Variants in POLR2B observed in about 807,000 individuals in gnomAD.
POLR2B encodes the protein DNA-directed RNA polymerase II subunit RPB2.
A neutral mutation model predicts 144.6 loss-of-function variants in POLR2B; 57 were observed. The observed-to-expected ratio is 0.39, with a 90% confidence interval of 0.32 to 0.49. POLR2B has a LOEUF of 0.49. POLR2B is among the 20% of genes least tolerant of loss of function. POLR2B has a pLI of 0.83. For missense variants in POLR2B, 595 were observed against 1,467.4 expected (o/e 0.41, Z 9.71); for synonymous variants, 442 against 469.8 (o/e 0.94, Z 0.77).
chr4:56,986,055 T>G (rs928724217), intron 1 of POLR2B, among the ~76,000 whole-genome samples: 12 of 152,356 alleles, frequency 7.9e-5, no homozygotes, highest in South Asian at 2.1e-4. Context: ...CTCTGCCCCC[T>G]TACCCTGTTC....
rs781462360 is a variant in POLR2B, at chr4:57,024,031, C to T, written c.2883C>T (p.Ile961=). Residue 961 remains isoleucine, a synonymous_variant, in exon 21 of 25, where the codon ATC becomes ATT. Transcript: ENST00000314595. ...QEDMPFTCEG[I]TPDIIINPHA... ...ATATGCCTTTCACCTGTGAAGGTAT[C>T]ACCCCTGATATCATCATCAATCCCC... 4.4e-6 allele frequency: 7 copies of T among 1,600,864 alleles called. No individual in the cohort carries two copies. In the South Asian group the frequency reaches 6.8e-5, roughly 15 times the overall value.
chr4:57,017,837 G>C lies in POLR2B; in HGVS notation c.2323+109G>C. On this transcript the variant is annotated intron_variant, in intron 16 of 24. Transcript: ENST00000314595. This position sits in a 1 kb window ranked among gnomAD's most constrained non-coding sequence, Gnocchi z 4.8. Reference sequence around the variant, plus strand: ...AATATGACATAGTGCCTGTTCTCACGGAATTTATAATATGGTGGGAAACAT... The same window carrying C: ...AATATGACATAGTGCCTGTTCTCACCGAATTTATAATATGGTGGGAAACAT... 4.6e-6 allele frequency: 3 copies of C among 656,412 alleles called. No homozygotes were observed. The highest frequency in any genetic ancestry group is 7.5e-6 in the Non-Finnish European group (3 of 399,706). The allele number at this position is 656,412 out of a possible 1,614,324, so 40.7% of individuals were successfully genotyped here. A position where few individuals can be genotyped will look rare whatever the true frequency, so the allele number is the denominator to read the frequency against.
intron 3 of POLR2B, among the ~76,000 whole-genome samples, chr4:56,993,729 A>T (rs1467469689): frequency 2.0e-5 from 3 of 152,042 alleles, no homozygotes; most frequent in Admixed American, 6.6e-5. Context: ...AATGATTAGG[A>T]TATTTTGTGT....
chr4:57,006,755 C>G, intron 9 of POLR2B, 61 bp from the exon 10 acceptor site: 1 of 1,316,638 alleles, frequency 7.6e-7, no homozygotes, highest in Admixed American at 2.1e-5. Flanking sequence ...AATATTCCTC[C>G]TGTTGAGAAT....
chr4:57,004,611 A>G (rs1339219957), intron 7 of POLR2B, among the ~76,000 whole-genome samples: 8 of 152,216 alleles, frequency 5.3e-5, no homozygotes, highest in South Asian at 2.1e-4. Context: ...TAATTTGACT[A>G]TGAAATTTCT....
In POLR2B at chr4:56,997,259, GT is replaced by G. The variant is rs57054646; in HGVS notation, c.735+1865del. Among the ~76,000 whole-genome samples, 734 of 142,166 alleles carry G rather than the reference GT, an allele frequency of 5.2e-3. 5 individuals carry two copies. Among genetic ancestry groups the G allele is most frequent in the African/African-American group, 0.016 (630 of 38,948 alleles). 93.3% of individuals were successfully genotyped at this position (142,166 alleles called of 152,430 possible). A position where few individuals can be genotyped will look rare whatever the true frequency, so the allele number is the denominator to read the frequency against. On this transcript the variant is annotated intron_variant, in intron 6 of 24. Coordinates refer to ENST00000314595, the MANE Select transcript of POLR2B (RefSeq NM_000938.3). The stretch of plus-strand genomic sequence containing the variant: ...ACTAGTATGGTGTGGTCCATGCAAA[GT>G]TTTTTTTTTTTTTTCTGAGACAGGG...
At chr4:56,979,980 C>G (rs1722105500) in intron 1 of POLR2B, among the ~76,000 whole-genome samples, 2 of 151,952 alleles carry the variant, frequency 1.3e-5, no homozygotes, top group African/African-American at 4.8e-5. Context: ...CTAATTCAAA[C>G]CTTATTTTCT....
intron 2 of POLR2B, 95 bp downstream of exon 2, chr4:56,986,521 A>G (rs941847913): frequency 7.3e-6 from 5 of 685,926 alleles, no homozygotes; most frequent in Admixed American, 2.5e-5. Flanking sequence ...AATATGCTAC[A>G]TGAGAGTAGT....
chr4:57,019,463 C>T lies in POLR2B; in HGVS notation c.2324-1436C>T, dbSNP rs1578588192. 2.6e-5 allele frequency among the ~76,000 whole-genome samples: 4 copies of T among 152,146 alleles called. No homozygotes were observed. In the South Asian group the frequency reaches 8.3e-4, roughly 32 times the overall value. On this transcript the variant is annotated intron_variant, in intron 16 of 24. Transcript: ENST00000314595. Reference sequence around the variant, plus strand: ...CAAGTGATTTTCCCACCTCAGCCTCCCAAAGTGCCGGGATTACAGATGTAA... The same window carrying T: ...CAAGTGATTTTCCCACCTCAGCCTCTCAAAGTGCCGGGATTACAGATGTAA...
In POLR2B at chr4:57,023,742, T is replaced by C; in HGVS notation, c.2847T>C (p.Tyr949=). The C allele has an allele frequency of 6.3e-7, 1 of 1,593,972 alleles. No individual in the cohort carries two copies. The highest frequency in any genetic ancestry group is 8.6e-7 in the Non-Finnish European group (1 of 1,165,582). ...AAAAGGGTACTTGTGGTATTCAGTATAGACAAGAGGTAGGTATCTTTGATC... is the reference window on the plus strand; with the variant it reads ...AAAAGGGTACTTGTGGTATTCAGTACAGACAAGAGGTAGGTATCTTTGATC... The part of the protein sequence containing the change: ...HGQKGTCGIQ[Y]RQEDMPFTCE... The change falls in exon 20 of 25, where the codon TAT becomes TAC. Residue 949 remains tyrosine, a synonymous_variant. Coordinates refer to ENST00000314595, the MANE Select transcript of POLR2B (RefSeq NM_000938.3). This position sits in a 1 kb window ranked among gnomAD's most constrained non-coding sequence, Gnocchi z 4.3.
intron 3 of POLR2B, among the ~76,000 whole-genome samples, chr4:56,993,707 C>T (rs558356540): frequency 6.6e-6 from 1 of 151,910 alleles, no homozygotes; most frequent in South Asian, 2.1e-4. Flanking sequence ...AAATTCTCAG[C>T]CCTTTATATA....
rs550937176 is a variant in POLR2B at position 56,996,876 on chromosome 4, G to A, written c.735+1467G>A. ...TGAGGTGGGTGGATTGCTTGAGCCC[G>A]GGATGTGAGACCAGCCTGGGCAACA... On this transcript the variant is annotated intron_variant, in intron 6 of 24. Transcript: ENST00000314595. Among the ~76,000 whole-genome samples, 4 of 152,132 alleles carry A rather than the reference G, an allele frequency of 2.6e-5. No homozygotes were observed. The East Asian group carries it at 5.8e-4, about 22-fold the overall frequency.
intron 23 of POLR2B, among the ~76,000 whole-genome samples, chr4:57,029,748 T>C (rs1366140683): frequency 3.3e-5 from 5 of 152,216 alleles, no homozygotes; most frequent in African/African-American, 9.6e-5. Flanking sequence ...TTTTTTAGTA[T>C]AGAGTTGAAT....
chr4:57,024,139 A>G, intron 21 of POLR2B, 27 bp downstream of exon 21: 2 of 1,180,300 alleles, frequency 1.7e-6, no homozygotes, highest in Middle Eastern at 1.9e-4. Flanking sequence ...AAAAATATAG[A>G]TTCTAAGCTG....
At chr4:57,005,954 G>A (rs1224997605) in intron 9 of POLR2B, among the ~76,000 whole-genome samples, 2 of 152,150 alleles carry the variant, frequency 1.3e-5, no homozygotes, top group Non-Finnish European at 2.9e-5. Flanking sequence ...TGGTAGCTTT[G>A]TAAGATGTTT....
At position 56,983,368 on chromosome 4, in the gene POLR2B, G is replaced by GTTT. The variant is rs11315195; in HGVS notation, c.20-2966_20-2964dup. Among the ~76,000 whole-genome samples the GTTT allele has an allele frequency of 4.2e-3, 298 of 71,312 alleles. 2 individuals carry two copies. Among genetic ancestry groups the GTTT allele is most frequent in the Middle Eastern group, 0.026 (2 of 76 alleles). 46.8% of individuals were successfully genotyped at this position (71,312 alleles called of 152,430 possible). On this transcript the variant is annotated intron_variant, in intron 1 of 24. Transcript: ENST00000314595. Reference sequence around the variant, plus strand: ...TTTATAACACGAGATCTCTGCTCAGGTTTTTTTTTTTTTTTTTTTTTTGAG... The same window carrying GTTT: ...TTTATAACACGAGATCTCTGCTCAGGTTTTTTTTTTTTTTTTTTTTTTTTTGAG...
rs548708297 is a variant in POLR2B at position 57,001,324 on chromosome 4, A to G, written c.900+1543A>G. ...CAGGCACGTGCCACCACACCTGGCT[A>G]ATTTTTGTAGTTTTAGTAGAGACAG... On this transcript the variant is annotated intron_variant, in intron 7 of 24. Transcript: ENST00000314595. Among the ~76,000 whole-genome samples, 22 of 151,968 alleles carry G rather than the reference A, an allele frequency of 1.4e-4. No homozygotes were observed. In the South Asian group the frequency reaches 4.4e-3, roughly 30 times the overall value.
At chr4:57,024,834 AG>A (rs1560485084) in intron 21 of POLR2B, 51 bp from the exon 22 acceptor site, 2 of 866,442 alleles carry the variant, frequency 2.3e-6, no homozygotes, top group Non-Finnish European at 1.9e-6. Flanking sequence ...TATGACTTTT[AG>A]GGGGAGACAG....
chr4:57,017,508 C>A lies in POLR2B; in HGVS notation c.2155-52C>A. The stretch of plus-strand genomic sequence containing the variant: ...TTTTGATTTATTGTCAGAGTCTTTT[C>A]CATTAGTGATAGTAACTTTTTGTTG... On this transcript the variant is annotated intron_variant, in intron 15 of 24. Transcript: ENST00000314595. The surrounding 1 kb of genome is among the most constrained non-coding windows in gnomAD (Gnocchi z 4.8). 7.2e-7 allele frequency: 1 copy of A among 1,397,956 alleles called. No individual in the cohort carries two copies. Among genetic ancestry groups the A allele is most frequent in the South Asian group, 1.4e-5 (1 of 73,412 alleles). The allele number at this position is 1,397,956 out of a possible 1,614,324, so 86.6% of individuals were successfully genotyped here. A position where few individuals can be genotyped will look rare whatever the true frequency, so the allele number is the denominator to read the frequency against.
Sources: allele counts gnomAD v4.1 joint callset (sites outside exome capture counted in the v4.1 genomes callset), GRCh38; gene constraint gnomAD v4.1.1; non-coding constraint Gnocchi (gnomAD v3.1); transcripts MANE v1.5; gene names NCBI Gene and HGNC (gene_info 2026-07-23, HGNC 2026-07-21).